The following C8A variants were observed in gnomAD, a reference collection of about 807,000 sequenced individuals.
C8A encodes complement component C8 alpha chain.
Under a neutral mutation model 65.3 loss-of-function variants are expected in C8A, and 67 were observed. The ratio of observed to expected loss-of-function variants is 1.03; its 90% confidence interval spans 0.84 to 1.26. C8A has a LOEUF of 1.26. Among genes scored for constraint, C8A ranks in the 50% most tolerant of loss-of-function variants. The pLI, the probability that C8A is intolerant of heterozygous loss-of-function variation, is 0.00. For synonymous variants in C8A, 290 were observed against 259.4 expected (o/e 1.12, Z -1.13); for missense variants, 781 against 723.9 (o/e 1.08, Z -0.90).
chr1:56,881,783 A>G, intron 5 of C8A, 149 bp downstream of exon 5: 1 of 757,262 alleles, frequency 1.3e-6, no homozygotes, highest in Non-Finnish European at 2.3e-6. Flanking sequence ...ATCCCCACAC[A>G]TGCTTAGTGT....
At chr1:56,895,408 A>G (rs1644380565) in intron 7 of C8A, among the ~76,000 whole-genome samples, 1 of 152,188 alleles carries the variant, frequency 6.6e-6, no homozygotes, top group Non-Finnish European at 1.5e-5. Context: ...TTTCTGTTAA[A>G]TAGCTTGCCC....
At chr1:56,889,325 A>G (rs28472455) in intron 7 of C8A, among the ~76,000 whole-genome samples, 22,485 of 152,138 alleles carry the variant, frequency 0.15, 5,243 homozygotes, top group African/African-American at 0.49. Flanking sequence ...GAACAAAAAT[A>G]TCTACCTTCT....
At position 56,876,278 on chromosome 1, in the gene C8A, G is replaced by C. The variant is rs1195469664; in HGVS notation, c.464+69G>C. The C allele has an allele frequency of 6.9e-6, 11 of 1,596,090 alleles. No individual in the cohort carries two copies. In the East Asian group the frequency reaches 2.5e-4, roughly 36 times the overall value. On this transcript the variant is annotated intron_variant, in intron 4 of 10. Coordinates refer to ENST00000361249, the MANE Select transcript of C8A (RefSeq NM_000562.3). ...GTCTTCAATCGTGAGCATTAGTTTT[G>C]AGGACAGAAGGGGGCCATTTTGGAG...
Position 56,881,628 on chromosome 1 carries a change from C to T in C8A, c.648C>T (p.His216=), listed in dbSNP as rs1440848644. The T allele has an allele frequency of 1.2e-6, 2 of 1,612,922 alleles. No individual in the cohort carries two copies. Among genetic ancestry groups the T allele is most frequent in the South Asian group, 2.2e-5 (2 of 91,050 alleles). Residue 216 remains histidine (H), a synonymous_variant, in exon 5 of 11, where the codon CAC becomes CAT. Transcript: ENST00000361249. ...FRKPYNFLKY[H]FEALADTGIS... is the part of the protein sequence containing the mutation. ...AACCCTACAACTTTCTGAAGTACCA[C>T]TTTGAAGTAAGTCTGAACAGAGGGG...
intron 1 of C8A, among the ~76,000 whole-genome samples, chr1:56,860,621 T>C (rs755094680): frequency 1.6e-4 from 25 of 152,042 alleles, no homozygotes; most frequent in Non-Finnish European, 3.1e-4. Context: ...AAATGAAGAG[T>C]TTACATGTGG....
intron 8 of C8A, among the ~76,000 whole-genome samples, 200 bp from the exon 9 acceptor site, chr1:56,907,756 A>C (rs1024338067): frequency 6.6e-6 from 1 of 151,950 alleles, no homozygotes; most frequent in African/African-American, 2.4e-5. Context: ...GTATTTCTCC[A>C]CTCCAGAGGA....
At chr1:56,871,738 G>C (rs1352713658) in intron 2 of C8A, among the ~76,000 whole-genome samples, 1 of 152,104 alleles carries the variant, frequency 6.6e-6, no homozygotes, top group Non-Finnish European at 1.5e-5. Flanking sequence ...TCAGTACATG[G>C]TAGCCACCAT....
intron 1 of C8A, among the ~76,000 whole-genome samples, chr1:56,863,883 C>T (rs1644058736): frequency 7.3e-6 from 1 of 137,498 alleles, no homozygotes; most frequent in African/African-American, 2.6e-5. Context: ...CCCTCCTTCT[C>T]TCCCTTCCTT....
At chr1:56,864,072 T>G (rs559710100) in intron 1 of C8A, among the ~76,000 whole-genome samples, 2 of 152,286 alleles carry the variant, frequency 1.3e-5, no homozygotes, top group South Asian at 4.1e-4. Context: ...AAGAAATAAA[T>G]CATACAAATA....
chr1:56,876,089 G>A lies in C8A; in HGVS notation c.344G>A (p.Cys115Tyr), dbSNP rs1242413817. The A allele has an allele frequency of 1.2e-6, 2 of 1,613,794 alleles. No homozygotes were observed. Among genetic ancestry groups the A allele is most frequent in the Non-Finnish European group, 8.5e-7 (1 of 1,179,856 alleles). The change falls in exon 4 of 11, where the codon TGT becomes TAT. Residue 115 changes from cysteine (C) to tyrosine (Y), a missense_variant. Cys to Tyr is a radical substitution (Grantham distance 194). Coordinates refer to ENST00000361249, the MANE Select transcript of C8A (RefSeq NM_000562.3). ...CGCTGCCTGAAACGCCACCTTGTGT[G>A]TAATGGAGACCAGGACTGCCTTGAT... The part of the protein sequence containing the change: ...TGRCLKRHLV[C>Y]NGDQDCLDGS...
chr1:56,910,235 C>A (rs991070816), intron 9 of C8A, among the ~76,000 whole-genome samples: 2 of 152,102 alleles, frequency 1.3e-5, no homozygotes, highest in African/African-American at 4.8e-5. Flanking sequence ...TGCTATGTTA[C>A]GTTTGTGTTA....
Position 56,912,626 on chromosome 1 carries a change from G to A in C8A, c.1603+1G>A. On this transcript the variant is annotated splice_donor_variant, in intron 10 of 10. Transcript: ENST00000361249. LOFTEE classifies it high-confidence loss of function. ...GCCTGTGAGCAAACACAGACAGAAG[G>A]TAAGGTCCGTGCATCCCCACCCAGT... The A allele has an allele frequency of 6.2e-7, 1 of 1,613,674 alleles. No homozygotes were observed. Among genetic ancestry groups the A allele is most frequent in the Non-Finnish European group, 8.5e-7 (1 of 1,179,738 alleles).
intron 7 of C8A, among the ~76,000 whole-genome samples, chr1:56,902,381 T>TTTTCCTTTCTTCAA (rs1244996572): frequency 3.3e-5 from 5 of 151,994 alleles, no homozygotes; most frequent in African/African-American, 1.2e-4. Flanking sequence ...GATAAATCTT[T>TTTTCCTTTCTTCAA]TTTCCTTTCT....
At chr1:56,881,188 G>A (rs1473701643) in intron 4 of C8A, among the ~76,000 whole-genome samples, 3 of 152,178 alleles carry the variant, frequency 2.0e-5, no homozygotes, top group Admixed American at 6.5e-5. Flanking sequence ...ACTGTTACTT[G>A]TACCAGCTAC....
chr1:56,874,897 T>A (rs1028280068), intron 2 of C8A, 52 bp from the exon 3 acceptor site: 1 of 1,601,504 alleles, frequency 6.2e-7, no homozygotes, highest in Non-Finnish European at 8.5e-7. Flanking sequence ...CAAGTCTTGG[T>A]TGATTGATTG....
intron 7 of C8A, among the ~76,000 whole-genome samples, chr1:56,896,747 G>T (rs915561940): frequency 1.3e-5 from 2 of 152,230 alleles, no homozygotes; most frequent in Non-Finnish European, 2.9e-5. Flanking sequence ...GCTGGAAGCA[G>T]ATGTCAATAA....
At chr1:56,875,980 G>T in intron 3 of C8A, 82 bp from the exon 4 acceptor site, 1 of 1,536,652 alleles carries the variant, frequency 6.5e-7, no homozygotes, top group Non-Finnish European at 8.9e-7. Flanking sequence ...TTATTTCTGA[G>T]GAAGAAAGGA....
At chr1:56,855,570 T>C (rs892268194) in intron 1 of C8A, among the ~76,000 whole-genome samples, 2 of 151,990 alleles carry the variant, frequency 1.3e-5, no homozygotes, top group African/African-American at 4.8e-5. Context: ...GGAGGTGATG[T>C]AGTTTCATAT....
At chr1:56,872,577 A>G (rs1644156783) in intron 2 of C8A, among the ~76,000 whole-genome samples, 1 of 152,124 alleles carries the variant, frequency 6.6e-6, no homozygotes, top group Admixed American at 6.6e-5. Context: ...GTCTTAAAAG[A>G]CCTCATGGTG....
Sources: allele counts gnomAD v4.1 joint callset (sites outside exome capture counted in the v4.1 genomes callset), GRCh38; gene constraint gnomAD v4.1.1; transcripts MANE v1.5; gene names NCBI Gene and HGNC (gene_info 2026-07-23, HGNC 2026-07-21).